ALG9: variants seen among roughly 807,000 people sequenced by gnomAD.
The protein encoded by ALG9 is alpha-1,2-mannosyltransferase ALG9.
ALG9 carries 55 observed loss-of-function variants against 81.8 expected under a neutral mutation model. The observed-to-expected ratio is 0.67, with a 90% confidence interval of 0.54 to 0.84. ALG9 has a LOEUF of 0.84. ALG9 is among the 40% of genes least tolerant of loss of function. The probability of loss-of-function intolerance (pLI) is 0.00; values close to 1 mark genes in which losing one functional copy is unlikely to be tolerated. For missense variants in ALG9, 629 were observed against 745.0 expected (o/e 0.84, Z 1.81); for synonymous variants, 278 against 274.3 (o/e 1.01, Z -0.13).
intron 4 of ALG9, among the ~76,000 whole-genome samples, chr11:111,862,454 GA>G (rs1555148844): frequency 6.6e-6 from 1 of 151,512 alleles, no homozygotes; most frequent in East Asian, 1.9e-4. Flanking sequence ...GGCTGGTTTC[GA>G]ACTCCTGACC....
Position 111,871,408 on chromosome 11 carries a change from G to T in ALG9, c.75C>A (p.Asp25Glu). ...ASSGDTAPAA[D>E]KLRELLGSRE... is the part of the protein sequence containing the mutation. Reference sequence around the variant, plus strand: ...GGCTGCCCAGCAGCTCCCGCAGCTTGTCCGCAGCCGGGGCCGTATCCCCAC... The same window carrying T: ...GGCTGCCCAGCAGCTCCCGCAGCTTTTCCGCAGCCGGGGCCGTATCCCCAC... The change falls in exon 1 of 15, where the codon GAC becomes GAA. Residue 25 changes from aspartate to glutamate, a missense_variant. Physicochemically the swap from Asp to Glu is conservative, Grantham distance 45 (BLOSUM62 2). Around this residue, in one of 3 missense-constraint regions of ALG9, gnomAD observed 344 missense variants for 390.5 expected, o/e 0.88. Coordinates refer to ENST00000616540, the MANE Select transcript of ALG9 (RefSeq NM_024740.2). The T allele has an allele frequency of 6.5e-7, 1 of 1,535,456 alleles. No homozygotes were observed. Among genetic ancestry groups the T allele is most frequent in the Non-Finnish European group, 8.7e-7 (1 of 1,146,452 alleles).
At chr11:111,769,509 C>G in the ALG9 span, 1 of 152,166 alleles carries the variant, frequency 6.6e-6, no homozygotes, top group Non-Finnish European at 1.5e-5. Context: ...GTTTCAGCTA[C>G]TCAGGAGGCT....
intron 14 of ALG9, among the ~76,000 whole-genome samples, chr11:111,792,557 T>A (rs1421933799): frequency 6.6e-6 from 1 of 152,244 alleles, no homozygotes; most frequent in Admixed American, 6.5e-5. Flanking sequence ...AATAACCATC[T>A]TGCTAAGGAC....
downstream of ALG9, among the ~76,000 whole-genome samples, chr11:111,781,075 T>C (rs1013837500): frequency 2.0e-5 from 3 of 152,184 alleles, no homozygotes; most frequent in Non-Finnish European, 4.4e-5. Context: ...AAAGATGACA[T>C]TCTAGACAAG....
chr11:111,833,862 G>A (rs956612204), intron 13 of ALG9, among the ~76,000 whole-genome samples: 7 of 152,196 alleles, frequency 4.6e-5, no homozygotes, highest in Non-Finnish European at 1.5e-5. Flanking sequence ...AGAGAATATG[G>A]AAATATGATC....
intron 3 of ALG9, among the ~76,000 whole-genome samples, chr11:111,867,198 G>T (rs1033226957): frequency 2.6e-5 from 4 of 152,214 alleles, no homozygotes; most frequent in African/African-American, 9.6e-5. Context: ...CCACCTTTCT[G>T]ATCATTCTAA....
intron 5 of ALG9, among the ~76,000 whole-genome samples, chr11:111,860,068 T>C (rs1364585505): frequency 1.3e-5 from 2 of 152,166 alleles, no homozygotes; most frequent in Non-Finnish European, 2.9e-5. Context: ...GCACATAGAA[T>C]ACATATCAAA....
At chr11:111,836,379 T>G in intron 12 of ALG9, 85 bp from the exon 13 acceptor site, 1 of 1,552,300 alleles carries the variant, frequency 6.4e-7, no homozygotes, top group South Asian at 1.1e-5. Context: ...AGGAAAATCA[T>G]GTGAAAAACA....
intron 14 of ALG9, among the ~76,000 whole-genome samples, chr11:111,789,018 T>C (rs576168835): frequency 8.8e-5 from 12 of 137,086 alleles, no homozygotes; most frequent in Non-Finnish European, 2.0e-4. Flanking sequence ...TTTTTTTTTT[T>C]TCCCCCAAGA....
At chr11:111,809,019 C>T (rs1555088271) in intron 14 of ALG9, among the ~76,000 whole-genome samples, 3 of 152,318 alleles carry the variant, frequency 2.0e-5, no homozygotes, top group Admixed American at 1.3e-4. Flanking sequence ...CCTCAAAGGG[C>T]ATAGTCAATC....
the ALG9 span, among the ~76,000 whole-genome samples, chr11:111,777,115 T>C: frequency 2.6e-5 from 4 of 151,848 alleles, no homozygotes; most frequent in South Asian, 2.1e-4. Flanking sequence ...TGGCTGGTAA[T>C]TGCCACTAAG....
the ALG9 span, among the ~76,000 whole-genome samples, chr11:111,769,665 C>G: frequency 6.6e-6 from 1 of 151,616 alleles, no homozygotes; most frequent in South Asian, 2.1e-4. Flanking sequence ...GAAGCATGCA[C>G]AGAGAGAAGC....
chr11:111,775,941 G>C, the ALG9 span, among the ~76,000 whole-genome samples: 1 of 152,094 alleles, frequency 6.6e-6, no homozygotes, highest in Non-Finnish European at 1.5e-5. Flanking sequence ...AGGTGATCTT[G>C]GGCAAGACAC....
chr11:111,829,415 C>A (rs1953941314), intron 13 of ALG9, among the ~76,000 whole-genome samples: 1 of 152,164 alleles, frequency 6.6e-6, no homozygotes, highest in African/African-American at 2.4e-5. Flanking sequence ...AATGTGACTT[C>A]TTTCTGTTTC....
chr11:111,864,286 GA>G, intron 4 of ALG9: 1 of 1,129,956 alleles, frequency 8.8e-7, no homozygotes, highest in Non-Finnish European at 1.3e-6. Flanking sequence ...CCGCTATGAA[GA>G]AAGTGGTTCA....
chr11:111,789,164 T>C (rs955480174), intron 14 of ALG9, among the ~76,000 whole-genome samples: 1 of 152,096 alleles, frequency 6.6e-6, no homozygotes, highest in African/African-American at 2.4e-5. Flanking sequence ...TTTCTTTTTG[T>C]AGCAATTCCT....
At chr11:111,871,327 C>T in intron 1 of ALG9, 25 bp downstream of exon 1, 4 of 1,418,272 alleles carry the variant, frequency 2.8e-6, no homozygotes, top group African/African-American at 1.5e-5. Flanking sequence ...CGGCCGGCCA[C>T]GCCCCTGCCG....
At chr11:111,794,703 T>C (rs1396126121) in intron 14 of ALG9, among the ~76,000 whole-genome samples, 2 of 152,156 alleles carry the variant, frequency 1.3e-5, no homozygotes, top group African/African-American at 4.8e-5. Flanking sequence ...CATCCAAGCA[T>C]TAATATCCCC....
the ALG9 span, among the ~76,000 whole-genome samples, chr11:111,774,516 G>C: frequency 5.5e-4 from 84 of 152,320 alleles, 3 homozygotes; most frequent in South Asian, 0.017. Context: ...GATGAATAAC[G>C]TTTGGTTGTT....
Sources: gnomAD v4.1 joint callset for allele counts (sites outside exome capture counted in the v4.1 genomes callset) on GRCh38, gnomAD v4.1.1 for gene constraint, gnomAD v4.1.1 regional missense constraint, MANE v1.5 for transcripts, NCBI Gene and HGNC (gene_info 2026-07-23, HGNC 2026-07-21) for gene names.